The following MARK3 variants were observed in gnomAD, a reference collection of about 807,000 sequenced individuals.
MARK3 encodes the protein MAP/microtubule affinity-regulating kinase 3.
In MARK3, 46 loss-of-function variants were observed where a neutral mutation model predicts 90.1. That is an observed-to-expected ratio of 0.51 (90% confidence interval 0.40 to 0.65). MARK3 has a LOEUF of 0.65. MARK3 is among the 30% of genes least tolerant of loss of function. The pLI, the probability that MARK3 is intolerant of heterozygous loss-of-function variation, is 0.00. For missense variants in MARK3, 818 were observed against 947.2 expected (o/e 0.86, Z 1.79); for synonymous variants, 321 against 332.6 (o/e 0.97, Z 0.38).
At chr14:103,457,464 G>A (rs2093300975) in intron 6 of MARK3, among the ~76,000 whole-genome samples, 1 of 152,060 alleles carries the variant, frequency 6.6e-6, no homozygotes, top group East Asian at 1.9e-4. Flanking sequence ...TTACAACTGA[G>A]CCTTAAAAAT....
chr14:103,432,689 A>G (rs1054032264), intron 3 of MARK3, among the ~76,000 whole-genome samples: 37 of 151,434 alleles, frequency 2.4e-4, no homozygotes, highest in Admixed American at 1.2e-3. Context: ...GTCTCTACCA[A>G]AAAAAAAATT....
intron 1 of MARK3, among the ~76,000 whole-genome samples, chr14:103,399,845 C>A (rs1362058366): frequency 1.3e-5 from 2 of 151,584 alleles, no homozygotes; most frequent in African/African-American, 2.4e-5. Flanking sequence ...CCTGTAGCTA[C>A]AGGATAATGT....
intron 14 of MARK3, chr14:103,491,212 G>A (rs2094009855): frequency 1.2e-6 from 1 of 839,566 alleles, no homozygotes; most frequent in Admixed American, 3.3e-5. Flanking sequence ...TGTCCACAAG[G>A]CGTCCTTCCT....
chr14:103,403,987 C>G (rs1327607963), intron 1 of MARK3, among the ~76,000 whole-genome samples: 4 of 152,110 alleles, frequency 2.6e-5, no homozygotes, highest in African/African-American at 9.7e-5. Flanking sequence ...GAGCCTATCC[C>G]CTAACCTGGT....
chr14:103,422,397 G>A (rs2092253490), intron 2 of MARK3, among the ~76,000 whole-genome samples: 1 of 152,236 alleles, frequency 6.6e-6, no homozygotes, highest in African/African-American at 2.4e-5. Context: ...GGAGGTTGCA[G>A]TGAGCCAAGA....
rs71126015 is a variant in MARK3, at chr14:103,406,394, A to ATT, written c.243+1140_243+1141dup. On this transcript the variant is annotated intron_variant, in intron 2 of 17. Coordinates refer to ENST00000429436, the MANE Select transcript of MARK3 (RefSeq NM_001128918.3). Reference sequence around the variant, plus strand: ...CGCACACCACCACGCCTGGCTAATTATTTTTTTTTTTTTTGTATTTTTAGT... The same window carrying ATT: ...CGCACACCACCACGCCTGGCTAATTATTTTTTTTTTTTTTTTGTATTTTTAGT... Among the ~76,000 whole-genome samples, 908 of 141,164 alleles carry ATT rather than the reference A, an allele frequency of 6.4e-3. 17 individuals carry two copies. Among genetic ancestry groups the ATT allele is most frequent in the East Asian group, 0.035 (166 of 4,772 alleles). The allele number at this position is 141,164 out of a possible 152,430, so 92.6% of individuals were successfully genotyped here.
chr14:103,458,390 C>A (rs989980919), intron 6 of MARK3, among the ~76,000 whole-genome samples: 1 of 125,542 alleles, frequency 8.0e-6, no homozygotes. Flanking sequence ...ACCTGGGAGG[C>A]GGAAATTGTA....
At chr14:103,453,593 T>C (rs978787426) in intron 5 of MARK3, among the ~76,000 whole-genome samples, 2 of 152,214 alleles carry the variant, frequency 1.3e-5, no homozygotes, top group African/African-American at 4.8e-5. Context: ...TTTTATACTT[T>C]ATATATGTCT....
intron 2 of MARK3, among the ~76,000 whole-genome samples, chr14:103,410,940 G>T (rs1033788596): frequency 6.6e-6 from 1 of 152,014 alleles, no homozygotes; most frequent in East Asian, 1.9e-4. Context: ...TATTACATTT[G>T]GGTTTCATGT....
intron 1 of MARK3, 109 bp downstream of exon 1, chr14:103,386,189 AGGGC>A: frequency 1.3e-5 from 14 of 1,080,320 alleles, no homozygotes; most frequent in Non-Finnish European, 1.9e-5. Flanking sequence ...CTGGAAATAG[AGGGC>A]AGGCCGTAGT....
intron 6 of MARK3, among the ~76,000 whole-genome samples, chr14:103,461,875 A>G (rs1771218395): frequency 6.6e-6 from 1 of 152,034 alleles, no homozygotes; most frequent in Admixed American, 6.6e-5. Flanking sequence ...CATCTCTACT[A>G]AAAATACGAA....
chr14:103,501,366 C>T lies in MARK3; in HGVS notation c.1916+1166C>T, dbSNP rs533000212. The stretch of plus-strand genomic sequence containing the variant: ...TAGGAAGGTGACATAATAGGACCTA[C>T]GTGGGCATCAAGTAAGTTGGGGCCT... On this transcript the variant is annotated intron_variant, in intron 17 of 17. Transcript: ENST00000429436. 3.3e-5 allele frequency among the ~76,000 whole-genome samples: 5 copies of T among 152,308 alleles called. No homozygotes were observed. The South Asian group carries it at 8.3e-4, about 25-fold the overall frequency.
intron 3 of MARK3, among the ~76,000 whole-genome samples, chr14:103,432,059 T>A (rs896426701): frequency 1.3e-5 from 2 of 151,968 alleles, no homozygotes; most frequent in Admixed American, 6.6e-5. Context: ...TTTTGGGGGA[T>A]TTTGGAATAA....
At chr14:103,450,771 C>T (rs111771057) in intron 4 of MARK3, among the ~76,000 whole-genome samples, 78 of 151,952 alleles carry the variant, frequency 5.1e-4, no homozygotes, top group Admixed American at 9.8e-4. Context: ...CACTAGCATA[C>T]CCCCCAGTTT....
intron 17 of MARK3, among the ~76,000 whole-genome samples, chr14:103,502,110 C>T (rs2075700903): frequency 1.3e-5 from 2 of 152,180 alleles, no homozygotes; most frequent in Admixed American, 6.5e-5. Flanking sequence ...TGGTAAACCG[C>T]GGTGTTCCCT....
In MARK3 at chr14:103,498,549, T is replaced by C. The variant is rs375693775; in HGVS notation, c.1871+21T>C. ...AAAAGGTAGGATTTATATATACACA[T>C]TTATTTTTCAATCCTCACTCCCAAA... On this transcript the variant is annotated intron_variant, in intron 16 of 17. Coordinates refer to ENST00000429436, the MANE Select transcript of MARK3 (RefSeq NM_001128918.3). The C allele has an allele frequency of 8.6e-4, 1,154 of 1,342,810 alleles. 10 individuals carry two copies. The South Asian group carries it at 9.3e-3, about 11-fold the overall frequency. 83.2% of individuals were successfully genotyped at this position (1,342,810 alleles called of 1,614,324 possible).
At chr14:103,493,259 T>TC (rs1566939978) in intron 15 of MARK3, among the ~76,000 whole-genome samples, 1 of 34,104 alleles carries the variant, frequency 2.9e-5, no homozygotes, top group African/African-American at 1.1e-4. Flanking sequence ...TTTTTTTTAA[T>TC]TTTTTTTTTT....
intron 12 of MARK3, among the ~76,000 whole-genome samples, chr14:103,474,015 T>G (rs958907341): frequency 2.1e-5 from 3 of 142,258 alleles, no homozygotes; most frequent in Non-Finnish European, 4.5e-5. Context: ...GCTAACACTG[T>G]GAAACCCCGT....
At chr14:103,429,821 CTAAT>C (rs1362407821) in intron 3 of MARK3, among the ~76,000 whole-genome samples, 2 of 152,138 alleles carry the variant, frequency 1.3e-5, no homozygotes, top group East Asian at 1.9e-4. Flanking sequence ...AATGAGGACT[CTAAT>C]TGAGTATTCT....
Sources: gnomAD v4.1 joint callset for allele counts (sites outside exome capture counted in the v4.1 genomes callset) on GRCh38, gnomAD v4.1.1 for gene constraint, MANE v1.5 for transcripts, NCBI Gene and HGNC (gene_info 2026-07-23, HGNC 2026-07-21) for gene names.